ITGAX: variants seen among roughly 807,000 people sequenced by gnomAD.
ITGAX encodes integrin alpha-X.
ITGAX carries 99 observed loss-of-function variants against 140.2 expected under a neutral mutation model. That is an observed-to-expected ratio of 0.71 (90% confidence interval 0.60 to 0.83). The LOEUF is 0.83. ITGAX is among the 40% of genes least tolerant of loss of function. ITGAX has a pLI of 0.00. For missense variants in ITGAX, 1,444 were observed against 1,482.0 expected (o/e 0.97, Z 0.42); for synonymous variants, 631 against 600.4 (o/e 1.05, Z -0.75).
At chr16:31,380,098 G>A in intron 26 of ITGAX, 33 bp downstream of exon 26, 1 of 1,596,788 alleles carries the variant, frequency 6.3e-7, no homozygotes, top group Non-Finnish European at 8.6e-7. Flanking sequence ...CCTCACTGTA[G>A]GCCCCACATC....
chr16:31,380,286 C>T lies in ITGAX; in HGVS notation c.3081C>T (p.Cys1027=). The change falls in exon 27 of 30, where the codon TGC becomes TGT. Residue 1027 remains cysteine, a synonymous_variant. Transcript: ENST00000268296. The part of the protein sequence containing the change: ...NPVLDCSIAG[C]LRFRCDVPSF... ...CCCAGGACTGCTCCATTGCTGGCTG[C>T]CTGCGGTTCCGCTGTGACGTCCCCT... 1.9e-6 allele frequency: 3 copies of T among 1,614,200 alleles called. No individual in the cohort carries two copies. The highest frequency in any genetic ancestry group is 2.5e-6 in the Non-Finnish European group (3 of 1,180,012).
rs768711058 is a variant in ITGAX at position 31,381,871 on chromosome 16, C to T, written c.3456C>T (p.Asn1152=). The T allele has an allele frequency of 2.0e-5, 18 of 883,836 alleles. No individual in the cohort carries two copies. The highest frequency in any genetic ancestry group is 1.3e-4 in the South Asian group (10 of 76,744). The allele number at this position is 883,836 out of a possible 1,614,324, so 54.7% of individuals were successfully genotyped here. ...CAAATGGACAAATTGCCCCAGAAAA[C>T]GGGACACAGACCCCCAGCCCGCCCA... ...EEANGQIAPE[N]GTQTPSPPSE... is the part of the protein sequence containing the mutation. Residue 1152 remains asparagine (N), a synonymous_variant, in exon 30 of 30, where the codon AAC becomes AAT. Coordinates refer to ENST00000268296, the MANE Select transcript of ITGAX (RefSeq NM_000887.5).
intron 14 of ITGAX, among the ~76,000 whole-genome samples, chr16:31,363,763 G>T (rs1412186549): frequency 6.6e-6 from 1 of 152,182 alleles, no homozygotes; most frequent in Non-Finnish European, 1.5e-5. Context: ...GTTTTACAAG[G>T]TACACAGGTC....
intron 17 of ITGAX, 76 bp from the exon 18 acceptor site, chr16:31,372,302 T>A: frequency 2.0e-6 from 3 of 1,530,782 alleles, no homozygotes; most frequent in Non-Finnish European, 1.7e-6. Flanking sequence ...AGAGGCAGGA[T>A]AAGAACTGCG....
chr16:31,360,964 T>A, intron 8 of ITGAX, 99 bp from the exon 9 acceptor site: 2 of 1,154,994 alleles, frequency 1.7e-6, no homozygotes. Flanking sequence ...CCGGGTGTGA[T>A]CATGTTGATC....
rs769478166 is a variant in ITGAX, at chr16:31,372,383, C to T, written c.2166C>T (p.Cys722=). 15 of 1,604,572 alleles carry T rather than the reference C, an allele frequency of 9.3e-6. No homozygotes were observed. In the South Asian group the frequency reaches 1.4e-4, roughly 15 times the overall value. ...CENFNLLLPS[C]VEDSVTPITL... ...CCGCGACGCCCGTCCCCCAGAGCTG[C>T]GTGGAGGACTCTGTGACCCCCATTA... Residue 722 remains cysteine, a synonymous_variant, in exon 18 of 30, where the codon TGC becomes TGT. Transcript: ENST00000268296.
At chr16:31,362,033 C>T in intron 10 of ITGAX, 42 bp from the exon 11 acceptor site, 1 of 1,613,896 alleles carries the variant, frequency 6.2e-7, no homozygotes, top group Non-Finnish European at 8.5e-7. Context: ...TGCTGTCTTC[C>T]TGCTCCGGCC....
At chr16:31,368,058 C>A (rs1179769648) in intron 14 of ITGAX, among the ~76,000 whole-genome samples, 1 of 151,792 alleles carries the variant, frequency 6.6e-6, no homozygotes, top group East Asian at 1.9e-4. Context: ...AAATAGAGAA[C>A]CAGAATTAGA....
chr16:31,380,764 G>T, intron 28 of ITGAX, 133 bp from the exon 29 acceptor site: 1 of 1,266,596 alleles, frequency 7.9e-7, no homozygotes, highest in South Asian at 1.2e-5. Flanking sequence ...CTAAGGGCAC[G>T]GGTGCTGCTG....
intron 8 of ITGAX, 110 bp from the exon 9 acceptor site, chr16:31,360,953 A>T: frequency 9.5e-7 from 1 of 1,048,340 alleles, no homozygotes; most frequent in Non-Finnish European, 1.4e-6. Flanking sequence ...TCCTGTGTCC[A>T]CCGGGTGTGA....
Position 31,360,044 on chromosome 16 carries a change from C to T in ITGAX, c.686C>T (p.Ala229Val), listed in dbSNP as rs1405098590. Residue 229 changes from alanine (A) to valine (V), a missense_variant, in exon 7 of 30, where the codon GCC becomes GTC. Transcript: ENST00000268296. ...CAGCTGCAAGGGTTTACATACACGG[C>T]CACCGCCATCCAAAATGTCGTGTGA... is the stretch of plus-strand genomic sequence containing the variant. ...VHQLQGFTYT[A>V]TAIQNVVHRL... The T allele has an allele frequency of 1.2e-6, 2 of 1,611,380 alleles. No individual in the cohort carries two copies. The highest frequency in any genetic ancestry group is 2.7e-5 in the African/African-American group (2 of 74,936).
At position 31,382,763 on chromosome 16, in the gene ITGAX, G is replaced by C. The variant is rs2081081275; in HGVS notation, c.*856G>C. 1 of 497,746 alleles carries C rather than the reference G, an allele frequency of 2.0e-6. No individual in the cohort carries two copies. 30.8% of individuals were successfully genotyped at this position (497,746 alleles called of 1,614,324 possible). ...GGAAGGGAGGAGCGCCCTCTAGGGA[G>C]GGACATGGCCCCGGTGCGGCTGCAG... On this transcript the variant is annotated 3_prime_UTR_variant, in exon 30 of 30. Coordinates refer to ENST00000268296, the MANE Select transcript of ITGAX (RefSeq NM_000887.5).
chr16:31,371,212 C>A lies in ITGAX; in HGVS notation c.1839C>A (p.Leu613=). The A allele has an allele frequency of 6.2e-7, 1 of 1,605,612 alleles. No homozygotes were observed. The change falls in exon 15 of 30, where the codon CTC becomes CTA. Residue 613 remains leucine, a splice_region_variant and synonymous_variant. Transcript: ENST00000268296. The part of the protein sequence containing the change: ...AVGARGQVLL[L]RTRPVLWVGV... ...GGGCCCGGGGCCAGGTGCTCCTGCT[C>A]AGGTGAGAGCAGCCTTTCTCAGAGG... is the stretch of plus-strand genomic sequence containing the variant.
intron 17 of ITGAX, 57 bp from the exon 18 acceptor site, chr16:31,372,321 C>T (rs547078574): frequency 1.4e-5 from 22 of 1,561,728 alleles, no homozygotes; most frequent in East Asian, 1.4e-4. Context: ...CGGATGAGGC[C>T]GAGCGCAGCT....
chr16:31,361,644 C>A (rs1004854520), intron 9 of ITGAX, 192 bp from the exon 10 acceptor site: 1 of 747,220 alleles, frequency 1.3e-6, no homozygotes, highest in African/African-American at 1.7e-5. Flanking sequence ...GTGCTGCCAT[C>A]GCTGTCCACA....
rs200363099 is a variant in ITGAX, at chr16:31,380,018, C to A, written c.3013C>A (p.Pro1005Thr). Reference protein sequence around the residue: ...SLRCSSEKIAPPASDFLAHIQ... With the variant: ...SLRCSSEKIATPASDFLAHIQ... ...TCGGTGCTCCTCAGAGAAAATCGCA[C>A]CCCCAGCATCTGACTTCCTGGCGCA... Residue 1005 changes from proline to threonine, a missense_variant, in exon 26 of 30, where the codon CCC (proline) becomes ACC (threonine). Pro to Thr is a conservative substitution (Grantham distance 38). Transcript: ENST00000268296. 5.0e-6 allele frequency: 8 copies of A among 1,614,174 alleles called. No homozygotes were observed. The African/African-American group carries it at 8.0e-5, about 16-fold the overall frequency.
intron 9 of ITGAX, 128 bp downstream of exon 9, chr16:31,361,341 C>A: frequency 9.3e-7 from 1 of 1,071,048 alleles, no homozygotes; most frequent in Non-Finnish European, 1.4e-6. Flanking sequence ...ACCCCGATAG[C>A]CATGTCTGTC....
chr16:31,356,850 A>G, intron 3 of ITGAX, 122 bp downstream of exon 3: 1 of 858,032 alleles, frequency 1.2e-6, no homozygotes, highest in Non-Finnish European at 1.8e-6. Flanking sequence ...TCACCCTCAG[A>G]TATGCTTCCT....
intron 5 of ITGAX, chr16:31,358,368 G>A (rs1223119948): frequency 6.6e-6 from 1 of 152,236 alleles, no homozygotes; most frequent in Non-Finnish European, 1.5e-5. Flanking sequence ...CAAGGCAAGA[G>A]GGTTGTTTGA....
Sources: allele counts gnomAD v4.1 joint callset (sites outside exome capture counted in the v4.1 genomes callset), GRCh38; gene constraint gnomAD v4.1.1; transcripts MANE v1.5; gene names NCBI Gene and HGNC (gene_info 2026-07-23, HGNC 2026-07-21).